TBK1: variants seen among roughly 807,000 people sequenced by gnomAD.
The protein encoded by TBK1 is TANK binding kinase 1.
In TBK1, 37 loss-of-function variants were observed where a neutral mutation model predicts 99.9. That is an observed-to-expected ratio of 0.37 (90% CI 0.28 to 0.49). The LOEUF is 0.49. TBK1 is among the 20% of genes least tolerant of loss of function. The pLI, the probability that TBK1 is intolerant of heterozygous loss-of-function variation, is 0.98. For missense variants in TBK1, 644 were observed against 872.5 expected, an observed-to-expected ratio of 0.74 and a Z score of 3.30; for synonymous variants, 258 against 279.8, an observed-to-expected ratio of 0.92 and a Z score of 0.78.
Position 64,464,122 on chromosome 12 carries a change from A to G in TBK1, c.229-212A>G, listed in dbSNP as rs559474119. Among the ~76,000 whole-genome samples, 59 of 152,228 alleles carry G rather than the reference A, an allele frequency of 3.9e-4. 1 individual carries two copies. Among genetic ancestry groups the G allele is most frequent in the African/African-American group, 1.3e-3 (55 of 41,542 alleles). ...CGTGATCCGCCCACCTCAGCCTCCC[A>G]AAGTGCTGGGATTACAGGCGTGAGC... On this transcript the variant is annotated intron_variant, in intron 3 of 20. Transcript: ENST00000331710.
At chr12:64,469,788 A>G (rs1007891650) in intron 5 of TBK1, among the ~76,000 whole-genome samples, 1 of 141,372 alleles carries the variant, frequency 7.1e-6, no homozygotes, top group Non-Finnish European at 1.5e-5. Context: ...TCTCTCACCC[A>G]GTACTTTTTT....
intron 7 of TBK1, among the ~76,000 whole-genome samples, chr12:64,480,627 CA>C (rs2040759917): frequency 6.6e-6 from 1 of 152,220 alleles, no homozygotes; most frequent in East Asian, 1.9e-4. Context: ...TTTAATGTCA[CA>C]GACAGAAATC....
At chr12:64,473,554 T>G (rs2040681697) in intron 5 of TBK1, among the ~76,000 whole-genome samples, 1 of 152,214 alleles carries the variant, frequency 6.6e-6, no homozygotes, top group Non-Finnish European at 1.5e-5. Context: ...GATGATATGA[T>G]AGGCTCTACA....
intron 13 of TBK1, among the ~76,000 whole-genome samples, chr12:64,491,377 T>C (rs1297995354): frequency 6.6e-6 from 1 of 152,150 alleles, no homozygotes; most frequent in Admixed American, 6.5e-5. Context: ...TCCCAGCACT[T>C]TGGGAGGCTG....
At chr12:64,492,879 G>A (rs571816657) in intron 13 of TBK1, among the ~76,000 whole-genome samples, 5 of 149,312 alleles carry the variant, frequency 3.3e-5, no homozygotes, top group South Asian at 4.3e-4. Flanking sequence ...CCGCCACCAC[G>A]TCCAGCTAAT....
intron 1 of TBK1, among the ~76,000 whole-genome samples, chr12:64,454,860 G>C (rs2040468839): frequency 6.6e-6 from 1 of 150,806 alleles, no homozygotes; most frequent in Admixed American, 6.6e-5. Context: ...TGTATTTTTA[G>C]TAGAGACGGG....
intron 1 of TBK1, among the ~76,000 whole-genome samples, chr12:64,455,369 C>T (rs2040475874): frequency 6.6e-6 from 1 of 152,032 alleles, no homozygotes; most frequent in African/African-American, 2.4e-5. Context: ...AAAATGTAAA[C>T]AAAATGAAGG....
intron 11 of TBK1, among the ~76,000 whole-genome samples, chr12:64,487,719 A>T (rs1293335238): frequency 6.6e-6 from 1 of 152,220 alleles, no homozygotes; most frequent in Non-Finnish European, 1.5e-5. Flanking sequence ...TTAAAGGATC[A>T]GTCTAATATT....
chr12:64,468,361 C>T (rs986029410), intron 5 of TBK1, among the ~76,000 whole-genome samples: 13 of 151,902 alleles, frequency 8.6e-5, no homozygotes, highest in African/African-American at 2.4e-4. Context: ...GGTGTGGTGG[C>T]GTGTGCCTGT....
intron 6 of TBK1, among the ~76,000 whole-genome samples, chr12:64,478,811 A>T (rs1041473368): frequency 1.3e-5 from 2 of 152,200 alleles, no homozygotes; most frequent in African/African-American, 4.8e-5. Context: ...ATTGTGCCTA[A>T]CAGTTAATCA....
At chr12:64,484,943 C>T (rs1176476650) in intron 9 of TBK1, among the ~76,000 whole-genome samples, 1 of 152,080 alleles carries the variant, frequency 6.6e-6, no homozygotes, top group Non-Finnish European at 1.5e-5. Context: ...TTTCCTAAAA[C>T]GATAAAATCG....
At chr12:64,499,254 A>G (rs1592378307) in intron 20 of TBK1, among the ~76,000 whole-genome samples, 1 of 151,878 alleles carries the variant, frequency 6.6e-6, no homozygotes, top group South Asian at 2.1e-4. Context: ...CATGTTGGCC[A>G]TGCTGGTCTT....
chr12:64,462,108 C>T (rs2040554119), intron 3 of TBK1, among the ~76,000 whole-genome samples: 1 of 152,106 alleles, frequency 6.6e-6, no homozygotes, highest in Non-Finnish European at 1.5e-5. Flanking sequence ...GGGGTAATTC[C>T]TTTAGTCTCC....
chr12:64,501,372 C>T lies in TBK1; in HGVS notation c.2181C>T (p.Asp727=), dbSNP rs1462392997. Residue 727 remains aspartate, a synonymous_variant, in exon 21 of 21, where the codon GAC becomes GAT. Transcript: ENST00000331710. ...TGGATGGTGGCCTTCGCAACGTTGACTGTCTTTAGCTTTCTAATAGAAGTT... is the reference window on the plus strand; with the variant it reads ...TGGATGGTGGCCTTCGCAACGTTGATTGTCTTTAGCTTTCTAATAGAAGTT... ...LTMDGGLRNV[D]CL 6.2e-7 allele frequency: 1 copy of T among 1,613,788 alleles called. No individual in the cohort carries two copies. The highest frequency in any genetic ancestry group is 8.5e-7 in the Non-Finnish European group (1 of 1,179,936).
intron 7 of TBK1, 79 bp from the exon 8 acceptor site, chr12:64,481,763 C>T: frequency 9.7e-7 from 1 of 1,033,378 alleles, no homozygotes; most frequent in Admixed American, 3.3e-5. Context: ...CTTTGATTTG[C>T]TGGTAAATAC....
chr12:64,501,145 C>T (rs1467768519), intron 20 of TBK1, among the ~76,000 whole-genome samples, 185 bp from the exon 21 acceptor site: 1 of 152,122 alleles, frequency 6.6e-6, no homozygotes. Context: ...ATCATTACAT[C>T]GGTTTTTCAT....
intron 5 of TBK1, among the ~76,000 whole-genome samples, chr12:64,472,437 G>T (rs1298729018): frequency 2.0e-5 from 3 of 152,024 alleles, no homozygotes; most frequent in Non-Finnish European, 4.4e-5. Flanking sequence ...CATTTAGGTG[G>T]TAACTCTACT....
chr12:64,501,494 T>C lies in TBK1; in HGVS notation c.*113T>C. ...TGTTTCTACAATTCAGTATTTGATG[T>C]GGTCGTGTAAATATGTACAATATTG... On this transcript the variant is annotated 3_prime_UTR_variant, in exon 21 of 21. Coordinates refer to ENST00000331710, the MANE Select transcript of TBK1 (RefSeq NM_013254.4). 1 of 1,093,708 alleles carries C rather than the reference T, an allele frequency of 9.1e-7. No homozygotes were observed. The highest frequency in any genetic ancestry group is 1.3e-6 in the Non-Finnish European group (1 of 744,792). The allele number at this position is 1,093,708 out of a possible 1,614,324, so 67.8% of individuals were successfully genotyped here.
intron 18 of TBK1, among the ~76,000 whole-genome samples, 179 bp downstream of exon 18, chr12:64,497,438 C>T (rs910081097): frequency 1.3e-5 from 2 of 152,018 alleles, no homozygotes; most frequent in African/African-American, 2.4e-5. Context: ...AGCTGATAAA[C>T]CATCCTTTTA....
Sources: allele counts gnomAD v4.1 joint callset (sites outside exome capture counted in the v4.1 genomes callset), GRCh38; gene constraint gnomAD v4.1.1; transcripts MANE v1.5; gene names NCBI Gene and HGNC (gene_info 2026-07-23, HGNC 2026-07-21).